MNS1: variants seen among roughly 807,000 people sequenced by gnomAD.
The protein encoded by MNS1 is meiosis specific nuclear structural 1.
A neutral mutation model predicts 72.0 loss-of-function variants in MNS1; 63 were observed. The ratio of observed to expected loss-of-function variants is 0.87; its 90% CI spans 0.71 to 1.08. The LOEUF (loss-of-function observed/expected upper bound fraction) is 1.08. Ranked by LOEUF, MNS1 falls within the 50% of genes least tolerant of loss-of-function variation. MNS1 has a pLI of 0.00. For synonymous variants in MNS1, 188 were observed against 172.1 expected (o/e 1.09, Z -0.72); for missense variants, 604 against 562.4 (o/e 1.07, Z -0.75).
chr15:56,430,899 G>C (rs1237560262), intron 9 of MNS1, among the ~76,000 whole-genome samples: 1 of 152,196 alleles, frequency 6.6e-6, no homozygotes, highest in Non-Finnish European at 1.5e-5. Context: ...GGCCAGGTGT[G>C]GTGGCCCACC....
intron 9 of MNS1, among the ~76,000 whole-genome samples, chr15:56,430,635 G>T (rs1217257569): frequency 1.3e-5 from 2 of 152,200 alleles, no homozygotes; most frequent in African/African-American, 2.4e-5. Flanking sequence ...CTCAAGCTCA[G>T]TTCAACCATG....
intron 7 of MNS1, among the ~76,000 whole-genome samples, chr15:56,440,062 C>T (rs563545412): frequency 6.6e-6 from 1 of 152,162 alleles, no homozygotes; most frequent in South Asian, 2.1e-4. Flanking sequence ...CAAAACCCAA[C>T]AATAAATGAA....
intron 1 of MNS1, 63 bp from the exon 2 acceptor site, chr15:56,464,310 T>G: frequency 8.4e-7 from 1 of 1,197,070 alleles, no homozygotes. Context: ...TTAAAAAATG[T>G]ATTGATATAA....
chr15:56,440,497 A>T (rs1206519818), intron 7 of MNS1, among the ~76,000 whole-genome samples: 3 of 152,204 alleles, frequency 2.0e-5, no homozygotes, highest in Non-Finnish European at 4.4e-5. Context: ...ATTGATGTTT[A>T]TACAAAAACC....
intron 7 of MNS1, among the ~76,000 whole-genome samples, chr15:56,441,830 C>A (rs186127543): frequency 6.6e-6 from 1 of 151,872 alleles, no homozygotes; most frequent in Non-Finnish European, 1.5e-5. Context: ...CTGGCTAACA[C>A]GGTGAAACCC....
At chr15:56,433,280 G>A (rs2050648990) in intron 8 of MNS1, among the ~76,000 whole-genome samples, 1 of 151,936 alleles carries the variant, frequency 6.6e-6, no homozygotes, top group African/African-American at 2.4e-5. Context: ...ACAAGGGGAA[G>A]GGAGAGCATT....
At chr15:56,436,079 T>C (rs926370613) in intron 7 of MNS1, among the ~76,000 whole-genome samples, 3 of 152,128 alleles carry the variant, frequency 2.0e-5, no homozygotes, top group Admixed American at 1.3e-4. Flanking sequence ...TATCCAGGAA[T>C]TGAACTCAGT....
Position 56,434,359 on chromosome 15 carries a change from T to C in MNS1, c.1048A>G (p.Met350Val), listed in dbSNP as rs375559106. ...ATTTGTTCTTCAAAATCTTGCTTCA[T>C]CTCTTTTTGCTTTCTCAATTTCTTT... is the stretch of plus-strand genomic sequence containing the variant. ...AEKKLRKQKE[M>V]KQDFEEQMAL... The change falls in exon 8 of 10, where the codon ATG becomes GTG. Residue 350 changes from methionine to valine, a missense_variant. Transcript: ENST00000260453. The C allele has an allele frequency of 1.9e-5, 30 of 1,613,188 alleles. No individual in the cohort carries two copies. The highest frequency in any genetic ancestry group is 5.0e-5 in the Admixed American group (3 of 59,894).
chr15:56,431,925 T>C lies in MNS1; in HGVS notation c.1270-427A>G, dbSNP rs928420873. Among the ~76,000 whole-genome samples the C allele has an allele frequency of 4.6e-5, 7 of 152,136 alleles. No homozygotes were observed. In the South Asian group the frequency reaches 1.5e-3, roughly 32 times the overall value. ...CATATATATATATATAAAGATGATA[T>C]GAAGCATGAGAATTCCACTAGTATT... On this transcript the variant is annotated intron_variant, in intron 8 of 9. Coordinates refer to ENST00000260453, the MANE Select transcript of MNS1 (RefSeq NM_018365.4).
intron 7 of MNS1, among the ~76,000 whole-genome samples, chr15:56,439,445 C>G (rs1351924366): frequency 2.0e-4 from 5 of 25,030 alleles, no homozygotes; most frequent in African/African-American, 4.2e-4. Flanking sequence ...ACTAGAATAG[C>G]TAAAAAAAAA....
chr15:56,430,801 T>A (rs1484895027), intron 9 of MNS1, among the ~76,000 whole-genome samples: 3 of 152,214 alleles, frequency 2.0e-5, no homozygotes. Flanking sequence ...ATTCTCATCT[T>A]TGGCATGTAA....
At chr15:56,457,370 T>C (rs2050988021) in intron 2 of MNS1, among the ~76,000 whole-genome samples, 1 of 152,124 alleles carries the variant, frequency 6.6e-6, no homozygotes, top group Admixed American at 6.5e-5. Context: ...AAATGCAAAT[T>C]AGAATTGCAA....
rs1158265517 is a variant in MNS1, at chr15:56,431,258, T to G, written c.1395+115A>C. 17 of 1,225,412 alleles carry G rather than the reference T, an allele frequency of 1.4e-5. No individual in the cohort carries two copies. In the Admixed American group the frequency reaches 3.9e-4, roughly 28 times the overall value. 75.9% of individuals were successfully genotyped at this position (1,225,412 alleles called of 1,614,324 possible). A position where few individuals can be genotyped will look rare whatever the true frequency, so the allele number is the denominator to read the frequency against. ...TGCCTGGACAGGAGGATCCCATTGC[T>G]GCTTCATAACCGAGCAAGAAGTGAG... On this transcript the variant is annotated intron_variant, in intron 9 of 9. Transcript: ENST00000260453.
intron 3 of MNS1, 78 bp from the exon 4 acceptor site, chr15:56,447,021 T>A: frequency 1.1e-6 from 1 of 939,888 alleles, no homozygotes; most frequent in Non-Finnish European, 1.6e-6. Context: ...TGAGTAACTG[T>A]ATTTTTAATT....
intron 2 of MNS1, among the ~76,000 whole-genome samples, chr15:56,460,054 A>C (rs1196764334): frequency 7.8e-6 from 1 of 128,454 alleles, no homozygotes; most frequent in Non-Finnish European, 1.6e-5. Flanking sequence ...AGTTTATTCA[A>C]ATGCAAAGCT....
chr15:56,462,798 T>G (rs2051031722), intron 2 of MNS1, among the ~76,000 whole-genome samples: 1 of 152,194 alleles, frequency 6.6e-6, no homozygotes, highest in African/African-American at 2.4e-5. Flanking sequence ...GATAATAGTA[T>G]TATGGTACTC....
intron 9 of MNS1, among the ~76,000 whole-genome samples, chr15:56,431,128 T>C (rs2050581137): frequency 6.6e-6 from 1 of 152,206 alleles, no homozygotes; most frequent in Non-Finnish European, 1.5e-5. Context: ...CACTCCAGCC[T>C]GGGCGATAAA....
chr15:56,461,975 G>GTTGTTT (rs1555449789), intron 2 of MNS1, among the ~76,000 whole-genome samples: 42 of 97,842 alleles, frequency 4.3e-4, no homozygotes, highest in African/African-American at 1.5e-3. Flanking sequence ...TTTTGTTGTT[G>GTTGTTT]TTTTTTTTTT....
chr15:56,431,992 C>G (rs1341555640), intron 8 of MNS1, among the ~76,000 whole-genome samples: 4 of 152,168 alleles, frequency 2.6e-5, no homozygotes, highest in Admixed American at 6.5e-5. Context: ...CATCAAAATT[C>G]TGGGCCATAT....
Sources: gnomAD v4.1 joint callset for allele counts (sites outside exome capture counted in the v4.1 genomes callset) on GRCh38, gnomAD v4.1.1 for gene constraint, MANE v1.5 for transcripts, NCBI Gene and HGNC (gene_info 2026-07-23, HGNC 2026-07-21) for gene names.